CSGALNACT1: variants seen among roughly 807,000 people sequenced by gnomAD.
CSGALNACT1 encodes the protein chondroitin sulfate N-acetylgalactosaminyltransferase 1.
A neutral mutation model predicts 51.0 loss-of-function variants in CSGALNACT1; 52 were observed. The observed-to-expected ratio is 1.02, with a 90% confidence interval of 0.82 to 1.29. CSGALNACT1 has a LOEUF of 1.29. Among genes scored for constraint, CSGALNACT1 ranks in the 50% most tolerant of loss-of-function variants. CSGALNACT1 has a pLI of 0.00. For synonymous variants in CSGALNACT1, 341 were observed against 254.4 expected, an observed-to-expected ratio of 1.34 and a Z score of -3.24; for missense variants, 935 against 679.2, an observed-to-expected ratio of 1.38 and a Z score of -4.19.
rs145794250 is a variant in CSGALNACT1 at position 19,431,656 on chromosome 8, A to G, written c.953+8174T>C. Among the ~76,000 whole-genome samples, 75 of 152,172 alleles carry G rather than the reference A, an allele frequency of 4.9e-4. 1 individual carries two copies. The East Asian group carries it at 0.014, about 29-fold the overall frequency. On this transcript the variant is annotated intron_variant, in intron 6 of 9. Transcript: ENST00000454498. ...TGTTCTGTCTTTGTCTGGTTAGGTT[A>G]TCAGGGTAATGCTGGCTTCAAAGAG...
At chr8:19,722,973 C>CTAG (rs1203184303) in intron 1 of CSGALNACT1, among the ~76,000 whole-genome samples, 1 of 152,200 alleles carries the variant, frequency 6.6e-6, no homozygotes, top group South Asian at 2.1e-4. Flanking sequence ...TCACTACTAC[C>CTAG]TGCCACCGAT....
At chr8:19,430,726 A>G (rs141332247) in intron 6 of CSGALNACT1, among the ~76,000 whole-genome samples, 1 of 152,244 alleles carries the variant, frequency 6.6e-6, no homozygotes, top group East Asian at 1.9e-4. Flanking sequence ...GTCCATATCT[A>G]CAAGAAAGTC....
chr8:19,757,046 C>G lies in CSGALNACT1; in HGVS notation c.-297+804G>C, dbSNP rs1281362356. 1 of 150,670 alleles carries G rather than the reference C, an allele frequency of 6.6e-6. No individual in the cohort carries two copies. Among genetic ancestry groups the G allele is most frequent in the Non-Finnish European group, 1.5e-5 (1 of 67,550 alleles). 9.3% of individuals were successfully genotyped at this position (150,670 alleles called of 1,614,324 possible). On this transcript the variant is annotated intron_variant, in intron 1 of 1. Coordinates refer to the CSGALNACT1 transcript ENST00000517494. This position sits in a 1 kb window ranked among gnomAD's most constrained non-coding sequence, Gnocchi z 4.0. ...GGAGGCCAGGCGCGGCACCGTCCTC[C>G]GCAGCTGCACGAGCCACCCCGAGGT... is the stretch of plus-strand genomic sequence containing the variant.
intron 4 of CSGALNACT1, among the ~76,000 whole-genome samples, chr8:19,466,433 C>T (rs1001986415): frequency 7.2e-5 from 11 of 152,142 alleles, no homozygotes; most frequent in African/African-American, 2.4e-4. Context: ...ACGCTTTGCA[C>T]CATAAACACA....
chr8:19,715,365 T>A (rs2062745560), intron 1 of CSGALNACT1, among the ~76,000 whole-genome samples: 1 of 152,200 alleles, frequency 6.6e-6, no homozygotes, highest in Admixed American at 6.5e-5. Flanking sequence ...CACTTATAAG[T>A]GAGAACATAT....
intron 1 of CSGALNACT1, among the ~76,000 whole-genome samples, chr8:19,627,317 C>T (rs1003152732): frequency 1.3e-5 from 2 of 152,112 alleles, no homozygotes; most frequent in African/African-American, 4.8e-5. Context: ...ACTTATGTGG[C>T]ATTCTCAAAA....
chr8:19,408,646 T>A (rs1270195265), exon 9 of CSGALNACT1: 13 of 1,613,972 alleles, frequency 8.1e-6, no homozygotes, highest in Non-Finnish European at 1.1e-5. Flanking sequence ...TACTGACACG[T>A]CATCCCAAAT....
At chr8:19,718,727 A>G (rs1319281580) in intron 1 of CSGALNACT1, among the ~76,000 whole-genome samples, 1 of 152,004 alleles carries the variant, frequency 6.6e-6, no homozygotes, top group Non-Finnish European at 1.5e-5. Context: ...ATCCACCCAA[A>G]TTGCCTCCCA....
At chr8:19,488,232 C>T (rs560006361) in intron 4 of CSGALNACT1, among the ~76,000 whole-genome samples, 1 of 151,800 alleles carries the variant, frequency 6.6e-6, no homozygotes, top group Non-Finnish European at 1.5e-5. Flanking sequence ...CACCTATAAT[C>T]CCAGTTACTC....
chr8:19,611,976 G>A (rs1486510493), intron 1 of CSGALNACT1, among the ~76,000 whole-genome samples: 1 of 151,940 alleles, frequency 6.6e-6, no homozygotes, highest in East Asian at 1.9e-4. Context: ...TTAATTCTAA[G>A]ACTCCATCCA....
At chr8:19,710,460 A>C (rs1422416778) in intron 1 of CSGALNACT1, among the ~76,000 whole-genome samples, 1 of 152,248 alleles carries the variant, frequency 6.6e-6, no homozygotes, top group Non-Finnish European at 1.5e-5. Context: ...CACCAAGTTC[A>C]CAATCGTGGC....
At chr8:19,678,595 G>A (rs1032147676) in intron 1 of CSGALNACT1, 2 of 152,194 alleles carry the variant, frequency 1.3e-5, no homozygotes, top group Non-Finnish European at 2.9e-5. Flanking sequence ...CAGTGTAAAG[G>A]AAAATGTCAA....
intron 3 of CSGALNACT1, among the ~76,000 whole-genome samples, chr8:19,533,688 T>C (rs2083215881): frequency 6.6e-6 from 1 of 152,188 alleles, no homozygotes; most frequent in African/African-American, 2.4e-5. Flanking sequence ...CCTCTTTCTG[T>C]GTATTAACAG....
At chr8:19,530,969 T>C (rs2082659658) in intron 3 of CSGALNACT1, among the ~76,000 whole-genome samples, 1 of 152,196 alleles carries the variant, frequency 6.6e-6, no homozygotes, top group African/African-American at 2.4e-5. Context: ...CCACAGAAAC[T>C]GTCATCAGTC....
At chr8:19,671,029 C>G (rs1262984796) in intron 1 of CSGALNACT1, among the ~76,000 whole-genome samples, 3 of 152,080 alleles carry the variant, frequency 2.0e-5, no homozygotes, top group African/African-American at 7.2e-5. Flanking sequence ...GAAATGGTGA[C>G]CAGAAAAAGT....
chr8:19,405,207 G>C (rs1415694442), exon 10 of CSGALNACT1: 3 of 449,526 alleles, frequency 6.7e-6, no homozygotes, highest in South Asian at 4.8e-5. Context: ...AAAAAGATAA[G>C]CAGATTATTT....
At chr8:19,538,257 G>C (rs1289707102) in intron 3 of CSGALNACT1, among the ~76,000 whole-genome samples, 2 of 152,184 alleles carry the variant, frequency 1.3e-5, no homozygotes, top group Non-Finnish European at 2.9e-5. Context: ...CTTGAGCCTA[G>C]GAGTTGGAGG....
At position 19,461,797 on chromosome 8, in the gene CSGALNACT1, G is replaced by T. The variant is rs371741186; in HGVS notation, c.635-3155C>A. On this transcript the variant is annotated intron_variant, in intron 4 of 9. Coordinates refer to ENST00000454498, the Ensembl canonical transcript of CSGALNACT1. Reference sequence around the variant, plus strand: ...GCACAGCAGCCACATTCACCATGGAGGGCGTATCCCCACAGCAGCCACATT... The same window carrying T: ...GCACAGCAGCCACATTCACCATGGATGGCGTATCCCCACAGCAGCCACATT... Among the ~76,000 whole-genome samples, 620 of 115,688 alleles carry T rather than the reference G, an allele frequency of 5.4e-3. 32 individuals are homozygous for T. Among genetic ancestry groups the T allele is most frequent in the Admixed American group, 8.5e-3 (89 of 10,494 alleles). 75.9% of individuals were successfully genotyped at this position (115,688 alleles called of 152,430 possible). A position where few individuals can be genotyped will look rare whatever the true frequency, so the allele number is the denominator to read the frequency against.
intron 1 of CSGALNACT1, among the ~76,000 whole-genome samples, chr8:19,649,028 A>C (rs1172907498): frequency 6.6e-6 from 1 of 152,214 alleles, no homozygotes; most frequent in Admixed American, 6.5e-5. Context: ...TCCATACAGT[A>C]AAGTGAAGAC....
Sources: gnomAD v4.1 joint callset for allele counts (sites outside exome capture counted in the v4.1 genomes callset) on GRCh38, gnomAD v4.1.1 for gene constraint, Gnocchi (gnomAD v3.1) non-coding constraint, MANE v1.5 for transcripts, NCBI Gene and HGNC (gene_info 2026-07-23, HGNC 2026-07-21) for gene names.